SPTY2D1: variants seen among roughly 807,000 people sequenced by gnomAD.
The protein encoded by SPTY2D1 is SPT2 chromatin protein domain containing 1.
Under a neutral mutation model 64.0 loss-of-function variants are expected in SPTY2D1, and 21 were observed. That is an observed-to-expected ratio of 0.33 (90% CI 0.23 to 0.47). SPTY2D1 has a LOEUF of 0.47. Ranked by LOEUF, SPTY2D1 falls within the 20% of genes least tolerant of loss-of-function variation. The pLI is 1.00. For missense variants in SPTY2D1, 724 were observed against 837.2 expected, an observed-to-expected ratio of 0.86 and a Z score of 1.67; for synonymous variants, 287 against 286.8, an observed-to-expected ratio of 1.00 and a Z score of -0.01.
intron 1 of SPTY2D1, among the ~76,000 whole-genome samples, chr11:18,631,521 C>T (rs553054081): frequency 4.0e-5 from 6 of 149,040 alleles, no homozygotes; most frequent in Non-Finnish European, 7.4e-5. Flanking sequence ...TTCGCCACTG[C>T]ACTCCAGCCT....
intron 1 of SPTY2D1, among the ~76,000 whole-genome samples, chr11:18,622,833 T>C (rs1854436321): frequency 6.6e-6 from 1 of 151,328 alleles, no homozygotes; most frequent in African/African-American, 2.4e-5. Flanking sequence ...GCACCTATAA[T>C]CCCAGCTACT....
At chr11:18,610,430 G>A (rs1252331908) in intron 5 of SPTY2D1, among the ~76,000 whole-genome samples, 3 of 152,034 alleles carry the variant, frequency 2.0e-5, no homozygotes, top group Non-Finnish European at 2.9e-5. Context: ...AGGAAGCCGA[G>A]CCAGGCGGAT....
Position 18,607,305 on chromosome 11 carries a change from A to C in SPTY2D1, c.*2556T>G, listed in dbSNP as rs1240459216. The C allele has an allele frequency of 6.5e-6, 1 of 152,872 alleles. No homozygotes were observed. The highest frequency in any genetic ancestry group is 1.5e-5 in the Non-Finnish European group (1 of 68,188). 9.5% of individuals were successfully genotyped at this position (152,872 alleles called of 1,614,324 possible). A position where few individuals can be genotyped will look rare whatever the true frequency, so the allele number is the denominator to read the frequency against. On this transcript the variant is annotated 3_prime_UTR_variant, in exon 6 of 6. Coordinates refer to ENST00000336349, the MANE Select transcript of SPTY2D1 (RefSeq NM_194285.3). ...AATACAAAGTTCTGAAAGTAGCCTTAAAAGAAGTGCCCTTTGCTTTGACAT... is the reference window on the plus strand; with the variant it reads ...AATACAAAGTTCTGAAAGTAGCCTTCAAAGAAGTGCCCTTTGCTTTGACAT...
chr11:18,620,681 T>C (rs906570097), intron 1 of SPTY2D1, among the ~76,000 whole-genome samples: 1 of 151,412 alleles, frequency 6.6e-6, no homozygotes, highest in Non-Finnish European at 1.5e-5. Flanking sequence ...GGTCAGGAGA[T>C]TGAGACCATC....
Position 18,614,832 on chromosome 11 carries a change from C to A in SPTY2D1, c.1442G>T (p.Gly481Val), listed in dbSNP as rs760468272. ...GACAGACCGCCCCGGGGGGCCCAAG[C>A]CACTCACTGGTCGTCGAAGTTCATG... is the stretch of plus-strand genomic sequence containing the variant. ...SPHELRRPVS[G>V]LGPPGRSVSG... The change falls in exon 3 of 6, where the codon GGC becomes GTC. Residue 481 changes from glycine to valine, a missense_variant. Physicochemically the swap from Gly to Val is moderately radical, Grantham distance 109. Transcript: ENST00000336349. 5 of 1,613,458 alleles carry A rather than the reference C, an allele frequency of 3.1e-6. No individual in the cohort carries two copies. In the Admixed American group the frequency reaches 8.3e-5, roughly 27 times the overall value.
At chr11:18,622,101 A>AAAAAAAAAAAAAAAAAAAAAAAAAAC (rs71050618) in intron 1 of SPTY2D1, among the ~76,000 whole-genome samples, 46 of 81,394 alleles carry the variant, frequency 5.7e-4, no homozygotes, top group East Asian at 2.1e-3. Context: ...AAAAAAAAAA[A>AAAAAAAAAAAAAAAAAAAAAAAAAAC]AAACCAAAAC....
In SPTY2D1 at chr11:18,634,293, C is replaced by G. The variant is rs375065600; in HGVS notation, c.-36G>C. ...GGCGGGAGAGACTGGGCCAGGCACT[C>G]GGAAAGGACTGACAGCGCACCTAAC... On this transcript the variant is annotated 5_prime_UTR_variant, in exon 1 of 6. Coordinates refer to ENST00000336349, the MANE Select transcript of SPTY2D1 (RefSeq NM_194285.3). The G allele has an allele frequency of 5.6e-6, 9 of 1,611,456 alleles. No homozygotes were observed. In the East Asian group the frequency reaches 1.6e-4, roughly 28 times the overall value.
chr11:18,611,363 G>T, intron 5 of SPTY2D1, 114 bp downstream of exon 5: 1 of 912,782 alleles, frequency 1.1e-6, no homozygotes, highest in Non-Finnish European at 1.8e-6. Context: ...AAACAGGATT[G>T]GAATCCAGAA....
At chr11:18,610,011 T>C in intron 5 of SPTY2D1, 57 bp from the exon 6 acceptor site, 1 of 1,492,484 alleles carries the variant, frequency 6.7e-7, no homozygotes, top group Non-Finnish European at 9.3e-7. Flanking sequence ...CCACTTTCCT[T>C]AAAAAGAATG....
rs1854613670 is a variant in SPTY2D1, at chr11:18,633,058, G to C, written c.60+1140C>G. Among the ~76,000 whole-genome samples the C allele has an allele frequency of 2.0e-5, 3 of 152,146 alleles. No individual in the cohort carries two copies. The South Asian group carries it at 6.2e-4, about 32-fold the overall frequency. On this transcript the variant is annotated intron_variant, in intron 1 of 5. Transcript: ENST00000336349. ...TGCAAAGCTTATGACTCACGGCTTAGAGGAATGGTTATTCAGAGTTCTTGG... is the reference window on the plus strand; with the variant it reads ...TGCAAAGCTTATGACTCACGGCTTACAGGAATGGTTATTCAGAGTTCTTGG...
In SPTY2D1 at chr11:18,634,236, T is replaced by C; in HGVS notation, c.22A>G (p.Met8Val). Residue 8 changes from methionine to valine, a missense_variant, in exon 1 of 6, where the codon ATG becomes GTG. By Grantham distance (21) the Met-to-Val change is conservative (BLOSUM62 1). Around this residue, in one of 3 missense-constraint regions of SPTY2D1, gnomAD observed 179 missense variants for 232.5 expected, o/e 0.77. Transcript: ENST00000336349. ...ACACCTTGTCCCTTGGAAGCTATCA[T>C]GAGAATTTCTCTGAAGTCCATGTTG... MDFREIL[M>V]IASKGQGVNN... The C allele has an allele frequency of 1.9e-6, 3 of 1,614,138 alleles. No individual in the cohort carries two copies. The highest frequency in any genetic ancestry group is 1.3e-5 in the African/African-American group (1 of 75,056).
In SPTY2D1 at chr11:18,616,074, T is replaced by TCTTTTCTC. The variant is rs771419135; in HGVS notation, c.192_199dup (p.Glu67GlyfsTer6). 2 of 1,609,450 alleles carry TCTTTTCTC rather than the reference T, an allele frequency of 1.2e-6. No homozygotes were observed. The highest frequency in any genetic ancestry group is 2.7e-5 in the African/African-American group (2 of 74,456). On this transcript the variant is annotated frameshift_variant, in exon 3 of 6. Transcript: ENST00000336349. LOFTEE classifies it high-confidence loss of function. ...CTCAATTCGCTTTTTCACTAGTTCC[T>TCTTTTCTC]CTTTTCTCCTTTTCTCCTCTAAGGC... is the stretch of plus-strand genomic sequence containing the variant.
intron 1 of SPTY2D1, among the ~76,000 whole-genome samples, chr11:18,632,162 A>AG (rs1216248268): frequency 5.9e-5 from 9 of 152,008 alleles, no homozygotes; most frequent in Non-Finnish European, 4.4e-5. Context: ...TAAAAAAAAA[A>AG]AAAAAGAAGA....
At chr11:18,627,075 ACTTC>A (rs552086378) in intron 1 of SPTY2D1, among the ~76,000 whole-genome samples, 138 of 152,146 alleles carry the variant, frequency 9.1e-4, no homozygotes, top group African/African-American at 2.7e-3. Flanking sequence ...TTTTAAATTA[ACTTC>A]CTTATTTTTT....
intron 2 of SPTY2D1, 143 bp downstream of exon 2, chr11:18,616,732 G>GACACACACACAC (rs72301459): frequency 3.0e-4 from 144 of 487,668 alleles, no homozygotes; most frequent in African/African-American, 1.4e-3. Flanking sequence ...AGTTAACCTG[G>GACACACACACAC]ACACACACAC....
Position 18,614,799 on chromosome 11 carries a change from G to C in SPTY2D1, c.1475C>G (p.Pro492Arg). The stretch of plus-strand genomic sequence containing the variant: ...AATTGAGCCACTTATGGATCTCCCA[G>C]GGCCACTGACAGACCGCCCCGGGGG... ...LGPPGRSVSG[P>R]GRSISGSIPA... Residue 492 changes from proline to arginine, a missense_variant, in exon 3 of 6, where the codon CCT (proline) becomes CGT (arginine). Transcript: ENST00000336349. 1 of 1,613,188 alleles carries C rather than the reference G, an allele frequency of 6.2e-7. No individual in the cohort carries two copies.
chr11:18,631,596 A>C (rs1854589045), intron 1 of SPTY2D1, among the ~76,000 whole-genome samples: 1 of 117,614 alleles, frequency 8.5e-6, no homozygotes, highest in South Asian at 3.0e-4. Context: ...CTTTTAAAAT[A>C]GATAACAAAA....
At position 18,607,389 on chromosome 11, in the gene SPTY2D1, CT is replaced by C. The variant is rs1320850273; in HGVS notation, c.*2471del. On this transcript the variant is annotated 3_prime_UTR_variant, in exon 6 of 6. Transcript: ENST00000336349. ...AGAGCCATGAGTTTTATGAAAACTACTTTCCTTTCACATCATTTGTTAGAGA... is the reference window on the plus strand; with the variant it reads ...AGAGCCATGAGTTTTATGAAAACTACTTCCTTTCACATCATTTGTTAGAGA... The C allele has an allele frequency of 6.6e-6, 1 of 152,590 alleles. No homozygotes were observed. The highest frequency in any genetic ancestry group is 6.6e-5 in the Admixed American group (1 of 15,262). The allele number at this position is 152,590 out of a possible 1,614,324, so 9.5% of individuals were successfully genotyped here.
At chr11:18,620,370 T>C (rs1025090181) in intron 1 of SPTY2D1, among the ~76,000 whole-genome samples, 2 of 151,892 alleles carry the variant, frequency 1.3e-5, no homozygotes, top group African/African-American at 4.8e-5. Flanking sequence ...TCCCAGCCAG[T>C]TGGGAGGCTG....
Sources: allele counts gnomAD v4.1 joint callset (sites outside exome capture counted in the v4.1 genomes callset), GRCh38; gene constraint gnomAD v4.1.1; regional missense constraint gnomAD v4.1.1; transcripts MANE v1.5; gene names NCBI Gene and HGNC (gene_info 2026-07-23, HGNC 2026-07-21).